Variants in GPC6 observed in about 807,000 individuals in gnomAD.
GPC6 encodes glypican-6.
In GPC6, 14 loss-of-function variants were observed where a neutral mutation model predicts 55.2. That is an observed-to-expected ratio of 0.25 (90% CI 0.17 to 0.40). The LOEUF (loss-of-function observed/expected upper bound fraction) is 0.40. Ranked by LOEUF, GPC6 falls within the 10% of genes least tolerant of loss-of-function variation. The pLI is 1.00. For missense variants in GPC6, 641 were observed against 708.5 expected, an observed-to-expected ratio of 0.90 and a Z score of 1.08; for synonymous variants, 278 against 259.6, an observed-to-expected ratio of 1.07 and a Z score of -0.68.
intron 3 of GPC6, among the ~76,000 whole-genome samples, chr13:93,918,709 T>A (rs1031941654): frequency 7.2e-5 from 11 of 152,196 alleles, no homozygotes; most frequent in African/African-American, 1.9e-4. Context: ...GAAGGGACTC[T>A]AGCCCCTGCG....
chr13:94,029,981 T>C (rs1279845671), intron 4 of GPC6, among the ~76,000 whole-genome samples: 1 of 151,844 alleles, frequency 6.6e-6, no homozygotes, highest in Non-Finnish European at 1.5e-5. Context: ...TATATGAACG[T>C]ATTTCATACC....
At chr13:94,175,720 T>C (rs2138937130) in intron 4 of GPC6, among the ~76,000 whole-genome samples, 1 of 151,642 alleles carries the variant, frequency 6.6e-6, no homozygotes, top group South Asian at 2.1e-4. Context: ...AAGGATTCTC[T>C]GTATGGTTTT....
chr13:94,130,328 C>T (rs996048199), intron 4 of GPC6, among the ~76,000 whole-genome samples: 3 of 151,920 alleles, frequency 2.0e-5, no homozygotes, highest in African/African-American at 7.3e-5. Flanking sequence ...TTGATAGGAT[C>T]CAAAAGGAAC....
At position 93,430,246 on chromosome 13, in the gene GPC6, T is replaced by C. The variant is rs568494249; in HGVS notation, c.161-115017T>C. Among the ~76,000 whole-genome samples the C allele has an allele frequency of 3.3e-3, 501 of 152,286 alleles. 5 individuals are homozygous for C. The highest frequency in any genetic ancestry group is 5.0e-3 in the Non-Finnish European group (343 of 68,026). ...TATTTTTTAAGTCTTGAGAATTCTTTTACTTAACCTGAAGCAAAAAGCAGA... is the reference window on the plus strand; with the variant it reads ...TATTTTTTAAGTCTTGAGAATTCTTCTACTTAACCTGAAGCAAAAAGCAGA... On this transcript the variant is annotated intron_variant, in intron 1 of 8. Coordinates refer to ENST00000377047, the MANE Select transcript of GPC6 (RefSeq NM_005708.5).
At chr13:93,589,244 T>TA (rs1193619716) in intron 2 of GPC6, among the ~76,000 whole-genome samples, 1 of 141,062 alleles carries the variant, frequency 7.1e-6, no homozygotes, top group Non-Finnish European at 1.5e-5. Context: ...TGATGCCCAT[T>TA]ACCTTTTCAT....
intron 1 of GPC6, among the ~76,000 whole-genome samples, chr13:93,362,702 G>A (rs575967030): frequency 3.9e-5 from 6 of 152,082 alleles, no homozygotes; most frequent in South Asian, 4.1e-4. Flanking sequence ...TTTTTTTAAA[G>A]GGTTTGAGGT....
intron 2 of GPC6, among the ~76,000 whole-genome samples, chr13:93,802,233 T>A (rs1182675835): frequency 6.6e-6 from 1 of 152,018 alleles, no homozygotes; most frequent in Non-Finnish European, 1.5e-5. Flanking sequence ...AATATGGCAA[T>A]TTTTTTCCTG....
At chr13:93,450,186 G>A (rs1298409187) in intron 1 of GPC6, among the ~76,000 whole-genome samples, 1 of 152,136 alleles carries the variant, frequency 6.6e-6, no homozygotes, top group Non-Finnish European at 1.5e-5. Flanking sequence ...CAGACTTTAT[G>A]TTTGTGCATT....
intron 4 of GPC6, among the ~76,000 whole-genome samples, chr13:94,282,925 G>C (rs551246390): frequency 6.6e-6 from 1 of 152,364 alleles, no homozygotes; most frequent in South Asian, 2.1e-4. Context: ...TCCGTGAAAA[G>C]AGTGTCGAAG....
chr13:93,500,652 T>A (rs975622862), intron 1 of GPC6, among the ~76,000 whole-genome samples: 1 of 152,184 alleles, frequency 6.6e-6, no homozygotes, highest in Non-Finnish European at 1.5e-5. Context: ...AAATATTTTT[T>A]AAAGTTTTTA....
In GPC6 at chr13:94,283,492, C is replaced by T. The variant is rs139879150; in HGVS notation, c.878-2857C>T. ...CAAGTAGAGGGCCTTGGCCCAGAGG[C>T]GTGGCTTTACCTGCATCCTGGCTCC... On this transcript the variant is annotated intron_variant, in intron 4 of 8. Coordinates refer to ENST00000377047, the MANE Select transcript of GPC6 (RefSeq NM_005708.5). 4.4e-4 allele frequency among the ~76,000 whole-genome samples: 67 copies of T among 152,336 alleles called. No individual in the cohort carries two copies. The East Asian group carries it at 0.011, about 25-fold the overall frequency.
At position 93,539,509 on chromosome 13, in the gene GPC6, G is replaced by A. The variant is rs569577900; in HGVS notation, c.161-5754G>A. Among the ~76,000 whole-genome samples, 13 of 152,150 alleles carry A rather than the reference G, an allele frequency of 8.5e-5. No individual in the cohort carries two copies. In the South Asian group the frequency reaches 2.7e-3, roughly 32 times the overall value. Reference sequence around the variant, plus strand: ...TTTTGGTTGTGTGTTTTAGGGGAGGGTCCATAGAGTCGGGCTCACGCGGAA... The same window carrying A: ...TTTTGGTTGTGTGTTTTAGGGGAGGATCCATAGAGTCGGGCTCACGCGGAA... On this transcript the variant is annotated intron_variant, in intron 1 of 8. Transcript: ENST00000377047.
intron 1 of GPC6, among the ~76,000 whole-genome samples, chr13:93,331,401 C>T (rs1879838144): frequency 6.6e-6 from 1 of 152,016 alleles, no homozygotes; most frequent in Admixed American, 6.5e-5. Context: ...AAAAATGATG[C>T]CCTTTGGCTC....
At chr13:93,420,272 T>A (rs533028421) in intron 1 of GPC6, among the ~76,000 whole-genome samples, 13 of 152,266 alleles carry the variant, frequency 8.5e-5, no homozygotes, top group African/African-American at 2.9e-4. Context: ...CAAATGAAAA[T>A]CATAGTCCTA....
intron 3 of GPC6, among the ~76,000 whole-genome samples, chr13:93,988,514 T>C (rs1274843651): frequency 6.6e-6 from 1 of 152,220 alleles, no homozygotes; most frequent in African/African-American, 2.4e-5. Context: ...CCTAAACAGC[T>C]AGGAGGCTGG....
At chr13:93,922,085 A>T (rs1212950387) in intron 3 of GPC6, among the ~76,000 whole-genome samples, 1 of 152,224 alleles carries the variant, frequency 6.6e-6, no homozygotes, top group African/African-American at 2.4e-5. Context: ...ATCAAGAAAA[A>T]GAAAAAGAAA....
chr13:93,401,879 A>C (rs1303698804), intron 1 of GPC6, among the ~76,000 whole-genome samples: 1 of 152,046 alleles, frequency 6.6e-6, no homozygotes, highest in Non-Finnish European at 1.5e-5. Context: ...CTTATTTTGC[A>C]CATGAATAAA....
intron 8 of GPC6, among the ~76,000 whole-genome samples, chr13:94,401,874 G>T (rs559512667): frequency 6.6e-6 from 1 of 152,270 alleles, no homozygotes; most frequent in East Asian, 1.9e-4. Context: ...TGGGGCTGCA[G>T]TGAGTTATGA....
chr13:93,938,767 A>G (rs1467429280), intron 3 of GPC6, among the ~76,000 whole-genome samples: 1 of 152,198 alleles, frequency 6.6e-6, no homozygotes, highest in African/African-American at 2.4e-5. Flanking sequence ...GGACTTATGA[A>G]AAGGGATCTT....
Sources: allele counts gnomAD v4.1 joint callset (sites outside exome capture counted in the v4.1 genomes callset), GRCh38; gene constraint gnomAD v4.1.1; transcripts MANE v1.5; gene names NCBI Gene and HGNC (gene_info 2026-07-23, HGNC 2026-07-21).